XPO4: variants seen among roughly 807,000 people sequenced by gnomAD.
XPO4 encodes exportin 4, also known as exportin-4.
XPO4 carries 39 observed loss-of-function variants against 143.0 expected under a neutral mutation model. That is an observed-to-expected ratio of 0.27 (90% CI 0.21 to 0.36). The LOEUF (loss-of-function observed/expected upper bound fraction) is 0.36, where lower values mean the gene tolerates loss of function less well. Among genes scored for constraint, XPO4 ranks in the 10% least tolerant of loss-of-function variants. The pLI is 1.00. For missense variants in XPO4, 907 were observed against 1,348.0 expected (o/e 0.67, Z 5.12); for synonymous variants, 439 against 474.0 (o/e 0.93, Z 0.96).
intron 10 of XPO4, among the ~76,000 whole-genome samples, chr13:20,809,543 T>C (rs917899272): frequency 6.6e-6 from 1 of 152,062 alleles, no homozygotes; most frequent in Non-Finnish European, 1.5e-5. Flanking sequence ...TAACCAGACA[T>C]CCATGGCCCA....
At chr13:20,809,650 C>CA in intron 10 of XPO4, 141 bp downstream of exon 10, 1 of 893,502 alleles carries the variant, frequency 1.1e-6, no homozygotes, top group Non-Finnish European at 1.6e-6. Flanking sequence ...AATAAGAACT[C>CA]AGAGAACAAG....
rs1344346300 is a variant in XPO4 at position 20,887,481 on chromosome 13, G to A, written c.69+15189C>T. ...TCATAAACCAAATCCAACAATGGAT[G>A]TTAAAAATAATAATGACGATAATAA... On this transcript the variant is annotated intron_variant, in intron 1 of 22. Transcript: ENST00000255305. 3.9e-5 allele frequency among the ~76,000 whole-genome samples: 6 copies of A among 152,192 alleles called. No homozygotes were observed. The South Asian group carries it at 8.3e-4, about 21-fold the overall frequency.
chr13:20,821,553 T>C (rs1395104405), intron 9 of XPO4, 151 bp downstream of exon 9: 13 of 819,292 alleles, frequency 1.6e-5, no homozygotes, highest in Non-Finnish European at 2.3e-5. Flanking sequence ...AAGGTCATGT[T>C]TCCCAAATAA....
chr13:20,848,583 T>C lies in XPO4; in HGVS notation c.457-4697A>G, dbSNP rs963298110. On this transcript the variant is annotated intron_variant, in intron 4 of 22. Transcript: ENST00000255305. ...ACCTATTTCAGCTTTATTCTATTCC[T>C]TGATGATGATCTACATTCTGCAAAA... 60 of 985,296 alleles carry C rather than the reference T, an allele frequency of 6.1e-5. No homozygotes were observed. The Admixed American group carries it at 1.0e-3, about 17-fold the overall frequency. 61.0% of individuals were successfully genotyped at this position (985,296 alleles called of 1,614,324 possible). A position where few individuals can be genotyped will look rare whatever the true frequency, so the allele number is the denominator to read the frequency against.
intron 1 of XPO4, among the ~76,000 whole-genome samples, chr13:20,876,093 C>CA (rs11301411): frequency 0.026 from 2,396 of 90,692 alleles, 35 homozygotes; most frequent in South Asian, 0.051. Flanking sequence ...CTACTAAATA[C>CA]AAAAAAAAAA....
At chr13:20,808,617 A>G in intron 11 of XPO4, 36 bp from the exon 12 acceptor site, 2 of 1,482,406 alleles carry the variant, frequency 1.3e-6, no homozygotes, top group Non-Finnish European at 1.8e-6. Flanking sequence ...CATAAAGTTC[A>G]ATAAGCAAAG....
At chr13:20,801,765 G>A (rs1029261583) in intron 13 of XPO4, among the ~76,000 whole-genome samples, 1 of 152,322 alleles carries the variant, frequency 6.6e-6, no homozygotes, top group Admixed American at 6.5e-5. Flanking sequence ...GAATATCAGT[G>A]CTGAGAAAAG....
chr13:20,875,596 GC>G (rs1308785430), intron 1 of XPO4, among the ~76,000 whole-genome samples: 4 of 152,018 alleles, frequency 2.6e-5, no homozygotes, highest in Non-Finnish European at 4.4e-5. Context: ...CTCACATAAA[GC>G]CTCGGTTCCT....
chr13:20,837,600 T>A (rs2059931061), intron 6 of XPO4, among the ~76,000 whole-genome samples: 1 of 152,036 alleles, frequency 6.6e-6, no homozygotes, highest in Admixed American at 6.6e-5. Context: ...GGTGTATTGG[T>A]CCATTCTCAG....
intron 9 of XPO4, among the ~76,000 whole-genome samples, chr13:20,813,681 G>A (rs2059612101): frequency 6.6e-6 from 1 of 152,160 alleles, no homozygotes; most frequent in Non-Finnish European, 1.5e-5. Context: ...CTCTCAGTCA[G>A]GCATGGTGGC....
intron 1 of XPO4, among the ~76,000 whole-genome samples, chr13:20,885,308 T>C (rs2060451317): frequency 6.6e-6 from 1 of 152,190 alleles, no homozygotes; most frequent in African/African-American, 2.4e-5. Context: ...AGAATATACA[T>C]ATTATCTTTG....
At position 20,809,868 on chromosome 13, in the gene XPO4, A is replaced by T; in HGVS notation, c.1273T>A (p.Phe425Ile). The change falls in exon 10 of 23, where the codon TTT (phenylalanine) becomes ATT (isoleucine). Residue 425 changes from phenylalanine (F) to isoleucine (I), a missense_variant. Coordinates refer to ENST00000255305, the MANE Select transcript of XPO4 (RefSeq NM_022459.5). ...QDDKHFHKGF[F>I]TQHAVQVFNS... ...AAAACTTGAACTGCATGTTGGGTAA[A>T]AAAGCCTTTATGGAAATGTTTGTCA... 6.2e-7 allele frequency: 1 copy of T among 1,613,954 alleles called. No homozygotes were observed. The highest frequency in any genetic ancestry group is 8.5e-7 in the Non-Finnish European group (1 of 1,179,896).
At chr13:20,806,313 A>AT (rs1166973410) in intron 13 of XPO4, among the ~76,000 whole-genome samples, 2 of 152,130 alleles carry the variant, frequency 1.3e-5, no homozygotes, top group African/African-American at 4.8e-5. Flanking sequence ...TATTTCAACT[A>AT]TTTTTTAAAA....
chr13:20,868,627 T>C lies in XPO4; in HGVS notation c.144A>G (p.Lys48=). ...TATGCTTGCAAACTGCAAATGGTGA[T>C]TTTGATTTCCTAAATGATAAGAATA... ...EHIFLSFRKS[K]SPFAVCKHIL... Residue 48 remains lysine (K), a synonymous_variant, in exon 2 of 23, where the codon AAA becomes AAG. Coordinates refer to ENST00000255305, the MANE Select transcript of XPO4 (RefSeq NM_022459.5). 6.2e-7 allele frequency: 1 copy of C among 1,612,952 alleles called. No homozygotes were observed. Among genetic ancestry groups the C allele is most frequent in the South Asian group, 1.1e-5 (1 of 90,946 alleles).
intron 22 of XPO4, among the ~76,000 whole-genome samples, chr13:20,785,630 A>C (rs1253860957): frequency 6.6e-6 from 1 of 150,846 alleles, no homozygotes. Flanking sequence ...GCACCACTGC[A>C]CTCCAGCCTG....
chr13:20,783,183 T>C lies in XPO4; in HGVS notation c.*539A>G, dbSNP rs947879506. 4 of 152,702 alleles carry C rather than the reference T, an allele frequency of 2.6e-5. No homozygotes were observed. The highest frequency in any genetic ancestry group is 9.7e-5 in the African/African-American group (4 of 41,378). The allele number at this position is 152,702 out of a possible 1,614,324, so 9.5% of individuals were successfully genotyped here. A position where few individuals can be genotyped will look rare whatever the true frequency, so the allele number is the denominator to read the frequency against. ...TTTCATTGATTCAAAACTTTTGGGG[T>C]GACGAAAGGGAGAAGCTTATTAACA... On this transcript the variant is annotated 3_prime_UTR_variant, in exon 23 of 23. Coordinates refer to ENST00000255305, the MANE Select transcript of XPO4 (RefSeq NM_022459.5).
At chr13:20,881,124 G>A (rs75214558) in intron 1 of XPO4, among the ~76,000 whole-genome samples, 5,938 of 152,102 alleles carry the variant, frequency 0.039, 379 homozygotes, top group African/African-American at 0.13. Context: ...TGGAATCATG[G>A]TTACCAGGGA....
chr13:20,797,562 C>T (rs2059375044), intron 16 of XPO4, among the ~76,000 whole-genome samples: 1 of 152,142 alleles, frequency 6.6e-6, no homozygotes. Flanking sequence ...CTTAATTCGA[C>T]TTTAAGTTGT....
chr13:20,853,503 A>G (rs1314614118), intron 4 of XPO4, among the ~76,000 whole-genome samples: 1 of 152,102 alleles, frequency 6.6e-6, no homozygotes, highest in East Asian at 1.9e-4. Context: ...AAATTTAAAA[A>G]AAGTAGCTCC....
Sources: allele counts gnomAD v4.1 joint callset (sites outside exome capture counted in the v4.1 genomes callset), GRCh38; gene constraint gnomAD v4.1.1; transcripts MANE v1.5; gene names NCBI Gene and HGNC (gene_info 2026-07-23, HGNC 2026-07-21).